Variants in JHY observed in about 807,000 individuals in gnomAD.
The protein encoded by JHY is junctional cadherin complex regulator.
In JHY, 69 loss-of-function variants were observed where a neutral mutation model predicts 78.0. The observed-to-expected ratio is 0.88, with a 90% CI of 0.73 to 1.08. The LOEUF is 1.08. JHY is among the 50% of genes least tolerant of loss of function. The pLI, the probability that JHY is intolerant of heterozygous loss-of-function variation, is 0.00. For synonymous variants in JHY, 368 were observed against 342.6 expected, an observed-to-expected ratio of 1.07 and a Z score of -0.82; for missense variants, 944 against 927.8, an observed-to-expected ratio of 1.02 and a Z score of -0.23.
chr11:122,952,457 G>A (rs775701283), intron 6 of JHY, among the ~76,000 whole-genome samples: 10 of 152,148 alleles, frequency 6.6e-5, no homozygotes, highest in Non-Finnish European at 1.5e-4. Context: ...TCCGTTAGGA[G>A]CCATCACCGT....
intron 2 of JHY, among the ~76,000 whole-genome samples, chr11:122,896,459 T>G (rs1862743229): frequency 6.6e-6 from 1 of 151,902 alleles, no homozygotes; most frequent in African/African-American, 2.4e-5. Flanking sequence ...CTTTCAGCAA[T>G]TGTTAAAATG....
intron 3 of JHY, among the ~76,000 whole-genome samples, chr11:122,922,133 G>A (rs1167015431): frequency 6.6e-6 from 1 of 152,172 alleles, no homozygotes; most frequent in Non-Finnish European, 1.5e-5. Context: ...GTAATCAGAA[G>A]AATTTCATGA....
intron 2 of JHY, 44 bp downstream of exon 2, chr11:122,886,237 T>C (rs752479979): frequency 4.6e-6 from 7 of 1,511,084 alleles, no homozygotes; most frequent in Middle Eastern, 1.8e-4. Context: ...CTCTAAAATG[T>C]ATCATTAGAT....
intron 1 of JHY, among the ~76,000 whole-genome samples, chr11:122,885,178 G>C (rs148965554): frequency 7.9e-5 from 12 of 152,130 alleles, no homozygotes; most frequent in African/African-American, 2.9e-4. Flanking sequence ...TAAATTATAT[G>C]TTCCTATCTA....
chr11:122,895,727 G>A (rs548000977), intron 2 of JHY, among the ~76,000 whole-genome samples: 1 of 152,256 alleles, frequency 6.6e-6, no homozygotes, highest in South Asian at 2.1e-4. Context: ...TATCAAATGG[G>A]GAGGAAAAGA....
Position 122,957,332 on chromosome 11 carries a change from GGATTCATCATAAC to G in JHY, c.2011-30_2011-18del. The G allele has an allele frequency of 6.6e-7, 1 of 1,505,656 alleles. No homozygotes were observed. Among genetic ancestry groups the G allele is most frequent in the South Asian group, 1.4e-5 (1 of 72,046 alleles). 93.3% of individuals were successfully genotyped at this position (1,505,656 alleles called of 1,614,324 possible). ...AGAGCAGAGAGAACTAGCAGCACCT[GGATTCATCATAAC>G]TTTGTTTCTCTGAACAGACGCAAAA... On this transcript the variant is annotated intron_variant, in intron 7 of 8. Transcript: ENST00000227349.
intron 2 of JHY, among the ~76,000 whole-genome samples, chr11:122,891,108 T>C (rs1862606117): frequency 3.3e-5 from 5 of 152,290 alleles, no homozygotes; most frequent in South Asian, 4.1e-4. Flanking sequence ...AATATGAAAT[T>C]CAAGTAGGCT....
rs1863711894 is a variant in JHY at position 122,934,673 on chromosome 11, C to T, written c.1232C>T (p.Pro411Leu). The T allele has an allele frequency of 6.2e-7, 1 of 1,614,148 alleles. No homozygotes were observed. Among genetic ancestry groups the T allele is most frequent in the Admixed American group, 1.7e-5 (1 of 60,018 alleles). ...AAGCCTCTTGATACTTCAACAAAGC[C>T]TGAATCGATTGTGATTATGCATGCC... ...QNKPLDTSTK[P>L]ESIVIMHASN... is the part of the protein sequence containing the mutation. The change falls in exon 5 of 9, where the codon CCT becomes CTT. Residue 411 changes from proline to leucine, a missense_variant. Transcript: ENST00000227349.
intron 6 of JHY, among the ~76,000 whole-genome samples, chr11:122,956,227 G>A (rs927842702): frequency 6.6e-6 from 1 of 151,952 alleles, no homozygotes; most frequent in Non-Finnish European, 1.5e-5. Context: ...ACTTTTATTT[G>A]TAATTTCAGA....
intron 5 of JHY, among the ~76,000 whole-genome samples, chr11:122,936,574 T>C (rs1418648120): frequency 6.6e-6 from 1 of 152,190 alleles, no homozygotes; most frequent in African/African-American, 2.4e-5. Flanking sequence ...AACGAGTATT[T>C]GATTTTATCA....
intron 3 of JHY, among the ~76,000 whole-genome samples, chr11:122,921,677 G>A (rs1021741851): frequency 6.6e-6 from 1 of 152,170 alleles, no homozygotes; most frequent in African/African-American, 2.4e-5. Context: ...CTAGCACTGT[G>A]AGAGGGACTG....
In JHY at chr11:122,904,363, C is replaced by T. The variant is rs1862939971; in HGVS notation, c.783C>T (p.Leu261=). 1 of 1,614,136 alleles carries T rather than the reference C, an allele frequency of 6.2e-7. No homozygotes were observed. The highest frequency in any genetic ancestry group is 8.5e-7 in the Non-Finnish European group (1 of 1,180,028). ...SKQHFVEKNK[L]TLGLPTPKTD... ...AACATTTTGTGGAAAAAAACAAGCT[C>T]ACTTTGGGATTACCCACCCCGAAAA... Residue 261 remains leucine, a synonymous_variant, in exon 3 of 9, where the codon CTC becomes CTT. Coordinates refer to ENST00000227349, the MANE Select transcript of JHY (RefSeq NM_024806.4).
In JHY at chr11:122,963,322, C is replaced by T. The variant is rs553773915; in HGVS notation, c.*3877C>T. The stretch of plus-strand genomic sequence containing the variant: ...AAACAACATTTCACAGGATTCTTAC[C>T]CCCAAGGCAACTCTTTACTATCCAG... On this transcript the variant is annotated 3_prime_UTR_variant, in exon 9 of 9. Transcript: ENST00000227349. Among the ~76,000 whole-genome samples, 2 of 152,178 alleles carry T rather than the reference C, an allele frequency of 1.3e-5. No individual in the cohort carries two copies. The highest frequency in any genetic ancestry group is 3.9e-4 in the East Asian group (2 of 5,186).
chr11:122,944,864 T>A (rs1291538907), intron 5 of JHY, among the ~76,000 whole-genome samples: 1 of 152,182 alleles, frequency 6.6e-6, no homozygotes, highest in Non-Finnish European at 1.5e-5. Flanking sequence ...GTCAATATAA[T>A]TAACATTTAT....
intron 3 of JHY, among the ~76,000 whole-genome samples, chr11:122,908,504 T>C (rs1863041317): frequency 6.6e-6 from 1 of 152,168 alleles, no homozygotes; most frequent in South Asian, 2.1e-4. Context: ...AGGCTGGTGG[T>C]CCATGGACCT....
chr11:122,896,613 A>G (rs989700820), intron 2 of JHY, among the ~76,000 whole-genome samples: 5 of 152,290 alleles, frequency 3.3e-5, no homozygotes, highest in African/African-American at 1.2e-4. Flanking sequence ...GGAACCACTT[A>G]GTGTATCACA....
chr11:122,926,200 A>G (rs1285779316), intron 4 of JHY, among the ~76,000 whole-genome samples: 45 of 90,380 alleles, frequency 5.0e-4, no homozygotes, highest in Non-Finnish European at 7.5e-4. Context: ...AAAAAAAAAA[A>G]AAAAAAGAAA....
At chr11:122,897,196 G>A (rs553005007) in intron 2 of JHY, among the ~76,000 whole-genome samples, 2 of 152,134 alleles carry the variant, frequency 1.3e-5, no homozygotes, top group Admixed American at 1.3e-4. Flanking sequence ...TCAATAACAC[G>A]ATGAGGTAGG....
chr11:122,914,665 G>A (rs954686450), intron 3 of JHY, among the ~76,000 whole-genome samples: 7 of 151,842 alleles, frequency 4.6e-5, no homozygotes, highest in South Asian at 2.1e-4. Context: ...GGCTGGTCTC[G>A]AACTCCTGAC....
Sources: allele counts gnomAD v4.1 joint callset (sites outside exome capture counted in the v4.1 genomes callset), GRCh38; gene constraint gnomAD v4.1.1; transcripts MANE v1.5; gene names NCBI Gene and HGNC (gene_info 2026-07-23, HGNC 2026-07-21).